The following GIPC1 variants were observed in gnomAD, a reference collection of about 807,000 sequenced individuals.
GIPC1 encodes the protein GIPC PDZ domain containing family member 1.
A neutral mutation model predicts 28.5 loss-of-function variants in GIPC1; 15 were observed. The observed-to-expected ratio is 0.53, with a 90% CI of 0.35 to 0.81. The LOEUF is 0.81. Ranked by LOEUF, GIPC1 falls within the 30% of genes least tolerant of loss-of-function variation. The pLI, the probability that GIPC1 is intolerant of heterozygous loss-of-function variation, is 0.01. For missense variants in GIPC1, 439 were observed against 481.9 expected (o/e 0.91, Z 0.83); for synonymous variants, 224 against 206.1 (o/e 1.09, Z -0.74).
At chr19:14,484,835 A>T (rs1187879217) in intron 3 of GIPC1, among the ~76,000 whole-genome samples, 1 of 151,934 alleles carries the variant, frequency 6.6e-6, no homozygotes, top group Non-Finnish European at 1.5e-5. Context: ...TCCTAGACTC[A>T]AGCAATCCTC....
chr19:14,489,536 CT>C (rs1170620047), intron 3 of GIPC1: 1 of 902,608 alleles, frequency 1.1e-6, no homozygotes, highest in African/African-American at 1.6e-5. Flanking sequence ...GAGATGGCGA[CT>C]AGTGGACAAC....
chr19:14,485,738 G>GAGACAGAC lies in GIPC1; in HGVS notation c.-30-2733_-30-2732insGTCTGTCT, dbSNP rs1555721834. The stretch of plus-strand genomic sequence containing the variant: ...AGAGAGAGAGAGAGAGAGAGAGAGA[G>GAGACAGAC]AGACAGAGAGAGGGAGAGAGAGAGA... On this transcript the variant is annotated intron_variant, in intron 3 of 8. Coordinates refer to ENST00000393033, the MANE Select transcript of GIPC1 (RefSeq NM_005716.4). 1.5e-3 allele frequency among the ~76,000 whole-genome samples: 211 copies of GAGACAGAC among 141,642 alleles called. 2 individuals carry two copies. Among genetic ancestry groups the GAGACAGAC allele is most frequent in the African/African-American group, 5.5e-3 (208 of 37,782 alleles). 92.9% of individuals were successfully genotyped at this position (141,642 alleles called of 152,430 possible). A position where few individuals can be genotyped will look rare whatever the true frequency, so the allele number is the denominator to read the frequency against.
chr19:14,479,592 G>T, intron 6 of GIPC1, 68 bp from the exon 7 acceptor site: 1 of 783,458 alleles, frequency 1.3e-6, no homozygotes. Context: ...GCAGGAACTT[G>T]TCCTTCCTGG....
At chr19:14,489,290 C>T (rs916941875) in intron 3 of GIPC1, 45 of 720,202 alleles carry the variant, frequency 6.2e-5, no homozygotes, top group East Asian at 2.8e-4. Flanking sequence ...CTAACGAGGT[C>T]GATGACGCCA....
intron 3 of GIPC1, among the ~76,000 whole-genome samples, chr19:14,485,161 A>G (rs1252785729): frequency 6.6e-6 from 1 of 151,576 alleles, no homozygotes; most frequent in African/African-American, 2.4e-5. Context: ...CTCAGTCTCA[A>G]AAAAAAATAA....
Position 14,478,993 on chromosome 19 carries a change from GA to G in GIPC1, c.769-229del, listed in dbSNP as rs572692032. On this transcript the variant is annotated intron_variant, in intron 7 of 8. Coordinates refer to ENST00000393033, the MANE Select transcript of GIPC1 (RefSeq NM_005716.4). The surrounding 1 kb of genome is among the most constrained non-coding windows in gnomAD (Gnocchi z 5.2). ...GCTGGGAAGTGGCAGAAGTGGACTA[GA>G]ATCCAGGCTGTCTGCCCAGAGTCCC... 5.3e-5 allele frequency among the ~76,000 whole-genome samples: 8 copies of G among 152,168 alleles called. No homozygotes were observed. The highest frequency in any genetic ancestry group is 2.9e-5 in the Non-Finnish European group (2 of 68,024).
At chr19:14,483,119 T>C in intron 3 of GIPC1, 113 bp from the exon 4 acceptor site, 3 of 687,812 alleles carry the variant, frequency 4.4e-6, no homozygotes, top group East Asian at 2.7e-5. Context: ...TTGGCCTCGG[T>C]TGAAATCCTC....
intron 2 of GIPC1, among the ~76,000 whole-genome samples, chr19:14,492,399 C>T (rs946572248): frequency 4.6e-5 from 7 of 152,000 alleles, no homozygotes; most frequent in South Asian, 2.1e-4. Flanking sequence ...CTCTGCTTCC[C>T]GGGTTCACGC....
intron 3 of GIPC1, among the ~76,000 whole-genome samples, chr19:14,485,348 A>T (rs1281838873): frequency 2.0e-5 from 3 of 147,974 alleles, no homozygotes; most frequent in African/African-American, 2.5e-5. Context: ...ACACCCGACT[A>T]TTTTTTTTTT....
At chr19:14,485,700 TATAGAGAGAGAG>T (rs1252765498) in intron 3 of GIPC1, among the ~76,000 whole-genome samples, 147 of 68,820 alleles carry the variant, frequency 2.1e-3, no homozygotes, top group Non-Finnish European at 3.1e-3. Context: ...TATATATATA[TATAGAGAGAGAG>T]AGAGAGAGAG....
At chr19:14,489,466 G>A (rs1268413272) in intron 3 of GIPC1, 1 of 953,154 alleles carries the variant, frequency 1.0e-6, no homozygotes, top group Non-Finnish European at 1.7e-6. Flanking sequence ...TGGCAGACAT[G>A]TCCAAGGAAT....
At chr19:14,480,261 A>T (rs767371217) in intron 6 of GIPC1, 44 bp downstream of exon 6, 22 of 1,553,554 alleles carry the variant, frequency 1.4e-5, no homozygotes, top group Non-Finnish European at 1.9e-5. Flanking sequence ...GCCTGCGCCC[A>T]TGCGAGCAGC....
Position 14,478,836 on chromosome 19 carries a change from A to C in GIPC1, c.769-71T>G. On this transcript the variant is annotated intron_variant, in intron 7 of 8. Coordinates refer to ENST00000393033, the MANE Select transcript of GIPC1 (RefSeq NM_005716.4). The surrounding 1 kb of genome is among the most constrained non-coding windows in gnomAD (Gnocchi z 5.2). ...ATACATAGTAATTGGACGGACTGCC[A>C]TTGTCACCACTTTACATATATTCGT... is the stretch of plus-strand genomic sequence containing the variant. The C allele has an allele frequency of 2.7e-6, 3 of 1,110,294 alleles. No individual in the cohort carries two copies. The highest frequency in any genetic ancestry group is 4.2e-6 in the Non-Finnish European group (3 of 722,266). The allele number at this position is 1,110,294 out of a possible 1,614,324, so 68.8% of individuals were successfully genotyped here.
chr19:14,487,982 C>T (rs766789714), intron 3 of GIPC1, among the ~76,000 whole-genome samples: 10 of 152,100 alleles, frequency 6.6e-5, no homozygotes, highest in Non-Finnish European at 1.5e-4. Context: ...TGCCCAGCCT[C>T]ATATAATTTT....
At chr19:14,486,688 G>GTTTC (rs1284644395) in intron 3 of GIPC1, among the ~76,000 whole-genome samples, 8 of 148,376 alleles carry the variant, frequency 5.4e-5, no homozygotes, top group Non-Finnish European at 9.0e-5. Flanking sequence ...TTTTTTTTCT[G>GTTTC]TTTCTTTCTT....
At chr19:14,482,415 C>T in intron 4 of GIPC1, 1 of 558,494 alleles carries the variant, frequency 1.8e-6, no homozygotes, top group Non-Finnish European at 3.2e-6. Context: ...GCCATCAGCT[C>T]CCACAATCCA....
Position 14,478,801 on chromosome 19 carries a change from C to G in GIPC1, c.769-36G>C, listed in dbSNP as rs770023433. ...GGGAGGGGTGACAGCGACATCATAA[C>G]AATGTGAATATACATAGTAATTGGA... On this transcript the variant is annotated intron_variant, in intron 7 of 8. Transcript: ENST00000393033. This position sits in a 1 kb window ranked among gnomAD's most constrained non-coding sequence, Gnocchi z 5.2. 10 of 1,440,776 alleles carry G rather than the reference C, an allele frequency of 6.9e-6. No homozygotes were observed. Among genetic ancestry groups the G allele is most frequent in the Admixed American group, 6.7e-5 (4 of 59,682 alleles). 89.2% of individuals were successfully genotyped at this position (1,440,776 alleles called of 1,614,324 possible). A position where few individuals can be genotyped will look rare whatever the true frequency, so the allele number is the denominator to read the frequency against.
chr19:14,479,134 C>A (rs952003954), intron 7 of GIPC1, among the ~76,000 whole-genome samples: 4 of 152,172 alleles, frequency 2.6e-5, no homozygotes. Flanking sequence ...CACCTGATGT[C>A]AGGAGTTCGA....
intron 1 of GIPC1, among the ~76,000 whole-genome samples, chr19:14,494,387 CG>C (rs35366755): frequency 1 from 152,257 of 152,346 alleles, 76,085 homozygotes; most frequent in Middle Eastern, 1. Flanking sequence ...CCACCGCGCC[CG>C]GGCCCCCTTG....
Sources: gnomAD v4.1 joint callset for allele counts (sites outside exome capture counted in the v4.1 genomes callset) on GRCh38, gnomAD v4.1.1 for gene constraint, Gnocchi (gnomAD v3.1) non-coding constraint, MANE v1.5 for transcripts, NCBI Gene and HGNC (gene_info 2026-07-23, HGNC 2026-07-21) for gene names.